Variants in RNF32 observed in about 807,000 individuals in gnomAD.
The protein encoded by RNF32 is ring finger protein 32.
RNF32 carries 36 observed loss-of-function variants against 41.0 expected under a neutral mutation model. That is an observed-to-expected ratio of 0.88 (90% confidence interval 0.67 to 1.16). RNF32 has a LOEUF of 1.16. Ranked by LOEUF, RNF32 falls within the 50% of genes most tolerant of loss-of-function variation. The pLI, the probability that RNF32 is intolerant of heterozygous loss-of-function variation, is 0.00. For missense variants in RNF32, 413 were observed against 436.7 expected (o/e 0.95, Z 0.48); for synonymous variants, 154 against 160.9 (o/e 0.96, Z 0.32).
chr7:156,659,256 T>C (rs1563083676), intron 7 of RNF32: 2 of 1,050,428 alleles, frequency 1.9e-6, no homozygotes, highest in Non-Finnish European at 2.3e-6. Flanking sequence ...GTAGCATTTA[T>C]AATGGCCCAG....
upstream of RNF32, chr7:156,640,353 G>C (rs1563060018): frequency 2.2e-6 from 1 of 445,894 alleles, no homozygotes; most frequent in Non-Finnish European, 4.5e-6. Context: ...CGGCTGAGGA[G>C]CGTGGCTGCG....
chr7:156,655,089 GAAA>G (rs150121477), intron 4 of RNF32, among the ~76,000 whole-genome samples: 2 of 147,092 alleles, frequency 1.4e-5, no homozygotes, highest in African/African-American at 5.0e-5. Context: ...AGTCAGAAAA[GAAA>G]AAAAAAACTG....
intron 3 of RNF32, among the ~76,000 whole-genome samples, chr7:156,653,351 A>G (rs6977459): frequency 0.46 from 69,412 of 152,068 alleles, 18,450 homozygotes; most frequent in African/African-American, 0.74. Context: ...CTAAGCATGT[A>G]TACATATGCT....
intron 7 of RNF32, among the ~76,000 whole-genome samples, chr7:156,663,853 A>C (rs1289373307): frequency 3.9e-5 from 6 of 152,240 alleles, no homozygotes; most frequent in African/African-American, 1.4e-4. Flanking sequence ...AATTGAGTTC[A>C]TTCATCTGAA....
In RNF32 at chr7:156,660,313, A is replaced by G. The variant is rs1012529631; in HGVS notation, c.684+1743A>G. Reference sequence around the variant, plus strand: ...ATTGTATGTTTAAACAACACCATCTAAGAGATCAAGAAGAACAGAAGTATG... The same window carrying G: ...ATTGTATGTTTAAACAACACCATCTGAGAGATCAAGAAGAACAGAAGTATG... On this transcript the variant is annotated intron_variant, in intron 7 of 8. Coordinates refer to ENST00000317955, the MANE Select transcript of RNF32 (RefSeq NM_030936.4). The G allele has an allele frequency of 1.5e-5, 15 of 981,382 alleles. No individual in the cohort carries two copies. In the Admixed American group the frequency reaches 3.1e-4, roughly 20 times the overall value. 60.8% of individuals were successfully genotyped at this position (981,382 alleles called of 1,614,324 possible).
In RNF32 at chr7:156,669,295, G is replaced by A. The variant is rs1801922035; in HGVS notation, c.685-6401G>A. The A allele has an allele frequency of 6.6e-6, 1 of 152,164 alleles. No homozygotes were observed. The highest frequency in any genetic ancestry group is 1.5e-5 in the Non-Finnish European group (1 of 68,054). 9.4% of individuals were successfully genotyped at this position (152,164 alleles called of 1,614,324 possible). A position where few individuals can be genotyped will look rare whatever the true frequency, so the allele number is the denominator to read the frequency against. The stretch of plus-strand genomic sequence containing the variant: ...CACGCTTCCTGCAGGGAGCTGGGGA[G>A]AGACAAATAATAAAATATTTTGTTA... On this transcript the variant is annotated intron_variant, in intron 7 of 8. Transcript: ENST00000317955. The surrounding 1 kb of genome is among the most constrained non-coding windows in gnomAD (Gnocchi z 4.2).
chr7:156,642,380 G>A (rs1797465710), intron 1 of RNF32, among the ~76,000 whole-genome samples: 1 of 152,156 alleles, frequency 6.6e-6, no homozygotes, highest in Non-Finnish European at 1.5e-5. Flanking sequence ...CCAATTTCTG[G>A]TGAATCCATG....
At chr7:156,672,910 T>C (rs1188968593) in intron 7 of RNF32, among the ~76,000 whole-genome samples, 1 of 152,232 alleles carries the variant, frequency 6.6e-6, no homozygotes, top group African/African-American at 2.4e-5. Flanking sequence ...ACCGTGGTTC[T>C]TAAACCTGAA....
intron 3 of RNF32, among the ~76,000 whole-genome samples, chr7:156,646,093 T>C (rs1001660721): frequency 1.3e-5 from 2 of 152,250 alleles, no homozygotes; most frequent in African/African-American, 4.8e-5. Context: ...TACAAGTTTG[T>C]GCCTGTAAAT....
At chr7:156,646,554 G>T (rs1797992825) in intron 3 of RNF32, 2 of 1,258,738 alleles carry the variant, frequency 1.6e-6, no homozygotes, top group South Asian at 2.5e-5. Flanking sequence ...ACATCCAGAG[G>T]TTCCAGGTGA....
In RNF32 at chr7:156,676,704, T is replaced by C; in HGVS notation, c.*49T>C. On this transcript the variant is annotated 3_prime_UTR_variant, in exon 9 of 9. Transcript: ENST00000317955. The stretch of plus-strand genomic sequence containing the variant: ...TAATTCTGAGGAAAAAAGTTTACCA[T>C]CATTTTGGATGAACTGCATGAGTTC... The C allele has an allele frequency of 1.4e-6, 2 of 1,411,016 alleles. No homozygotes were observed. Among genetic ancestry groups the C allele is most frequent in the Non-Finnish European group, 2.0e-6 (2 of 1,003,514 alleles). The allele number at this position is 1,411,016 out of a possible 1,614,324, so 87.4% of individuals were successfully genotyped here. A position where few individuals can be genotyped will look rare whatever the true frequency, so the allele number is the denominator to read the frequency against.
intron 5 of RNF32, 122 bp downstream of exon 5, chr7:156,657,695 T>G: frequency 1.1e-6 from 1 of 907,520 alleles, no homozygotes; most frequent in South Asian, 1.3e-5. Context: ...CCACCATCTA[T>G]AGTTAAAGAA....
intron 7 of RNF32, among the ~76,000 whole-genome samples, chr7:156,665,246 G>C (rs772794631): frequency 1.3e-5 from 2 of 152,200 alleles, no homozygotes; most frequent in Non-Finnish European, 2.9e-5. Flanking sequence ...CTGAGTGAGA[G>C]ACTAGCTTTG....
intron 7 of RNF32, among the ~76,000 whole-genome samples, chr7:156,673,501 G>A (rs1024186921): frequency 6.6e-6 from 1 of 152,130 alleles, no homozygotes; most frequent in Non-Finnish European, 1.5e-5. Context: ...TTAAGATACA[G>A]CTGCTTGGCA....
At chr7:156,658,274 G>T in intron 6 of RNF32, 22 bp downstream of exon 6, 1 of 1,610,924 alleles carries the variant, frequency 6.2e-7, no homozygotes, top group Non-Finnish European at 8.5e-7. Flanking sequence ...AGGCCCGTTT[G>T]GCGCTAAGCA....
rs1797732417 is a variant in RNF32, at chr7:156,644,413, A to G, written c.16-86A>G. The G allele has an allele frequency of 6.9e-6, 7 of 1,020,328 alleles. No homozygotes were observed. In the South Asian group the frequency reaches 8.5e-5, roughly 12 times the overall value. The allele number at this position is 1,020,328 out of a possible 1,614,324, so 63.2% of individuals were successfully genotyped here. On this transcript the variant is annotated intron_variant, in intron 2 of 8. Transcript: ENST00000317955. ...ATTTGATTTGGTTGTATGTGCCATCAAGGTTGAGTATTGAAGCCTCAGTTC... is the reference window on the plus strand; with the variant it reads ...ATTTGATTTGGTTGTATGTGCCATCGAGGTTGAGTATTGAAGCCTCAGTTC...
At chr7:156,664,708 TA>T (rs1801108455) in intron 7 of RNF32, among the ~76,000 whole-genome samples, 1 of 152,184 alleles carries the variant, frequency 6.6e-6, no homozygotes, top group South Asian at 2.1e-4. Flanking sequence ...GTGAGACAAA[TA>T]ATACACGGAC....
At chr7:156,675,639 C>T (rs1803738051) in intron 7 of RNF32, 57 bp from the exon 8 acceptor site, 2 of 1,510,752 alleles carry the variant, frequency 1.3e-6, no homozygotes, top group Middle Eastern at 1.7e-4. Flanking sequence ...GAGAGCGCTT[C>T]CCTGCAACCT....
chr7:156,650,583 T>G (rs1798584220), intron 3 of RNF32, among the ~76,000 whole-genome samples: 2 of 152,144 alleles, frequency 1.3e-5, no homozygotes, highest in South Asian at 4.1e-4. Flanking sequence ...CGTTCTAAGG[T>G]CTTGATTAGT....
Sources: allele counts gnomAD v4.1 joint callset (sites outside exome capture counted in the v4.1 genomes callset), GRCh38; gene constraint gnomAD v4.1.1; non-coding constraint Gnocchi (gnomAD v3.1); transcripts MANE v1.5; gene names NCBI Gene and HGNC (gene_info 2026-07-23, HGNC 2026-07-21).